The following LGALS4 variants were observed in gnomAD, a reference collection of about 807,000 sequenced individuals.
The protein encoded by LGALS4 is galectin-4.
LGALS4 carries 37 observed loss-of-function variants against 39.6 expected under a neutral mutation model. The ratio of observed to expected loss-of-function variants is 0.93; its 90% CI spans 0.72 to 1.23. The LOEUF is 1.23. LGALS4 is among the 50% of genes most tolerant of loss of function. LGALS4 has a pLI of 0.00. For synonymous variants in LGALS4, 160 were observed against 165.5 expected (o/e 0.97, Z 0.25); for missense variants, 397 against 433.2 (o/e 0.92, Z 0.74).
intron 4 of LGALS4, among the ~76,000 whole-genome samples, chr19:38,805,168 A>AT (rs143924104): frequency 0.26 from 26,404 of 103,402 alleles, 2,682 homozygotes; most frequent in East Asian, 0.45. Context: ...TGCCTCAAAA[A>AT]TAATAATAAT....
At chr19:38,806,283 G>T (rs570679864) in intron 4 of LGALS4, among the ~76,000 whole-genome samples, 178 bp downstream of exon 4, 1 of 151,768 alleles carries the variant, frequency 6.6e-6, no homozygotes, top group South Asian at 2.1e-4. Context: ...CAGGAGAATG[G>T]CGTGAACCTG....
intron 1 of LGALS4, 59 bp downstream of exon 1, chr19:38,812,783 T>G (rs1971510116): frequency 1.8e-5 from 29 of 1,576,506 alleles, no homozygotes; most frequent in Non-Finnish European, 2.4e-5. Context: ...TGGGGAAAAT[T>G]GGTGTGAGGG....
Position 38,802,309 on chromosome 19 carries a change from G to A in LGALS4, c.659+7C>T, listed in dbSNP as rs190785460. The A allele has an allele frequency of 1.2e-5, 20 of 1,613,420 alleles. No individual in the cohort carries two copies. The highest frequency in any genetic ancestry group is 6.7e-5 in the East Asian group (3 of 44,872). ...GGCTGGGGGTTCCCACCTAGTTTAC[G>A]TTATACCTCTTGCCTGTGGGAGGCA... On this transcript the variant is annotated splice_region_variant and intron_variant, in intron 8 of 9. Coordinates refer to ENST00000307751, the MANE Select transcript of LGALS4 (RefSeq NM_006149.4).
chr19:38,803,237 T>C, intron 7 of LGALS4: 1 of 515,076 alleles, frequency 1.9e-6, no homozygotes, highest in Non-Finnish European at 3.5e-6. Flanking sequence ...ATGGTCTCGA[T>C]CGATCTCCTG....
At position 38,806,585 on chromosome 19, in the gene LGALS4, T is replaced by C; in HGVS notation, c.350A>G (p.Asn117Ser). The C allele has an allele frequency of 6.2e-7, 1 of 1,613,682 alleles. No individual in the cohort carries two copies. The highest frequency in any genetic ancestry group is 8.5e-7 in the Non-Finnish European group (1 of 1,179,850). Residue 117 changes from asparagine (N) to serine (S), a missense_variant, in exon 4 of 10, where the codon AAT (asparagine) becomes AGT (serine). Physicochemically the swap from Asn to Ser is conservative, Grantham distance 46. Transcript: ENST00000307751. Reference sequence around the variant, plus strand: ...CCCGTACTCATAGAAGGGATTTCCATTTACCACCACCTGGAGGGCAGAGAT... The same window carrying C: ...CCCGTACTCATAGAAGGGATTTCCACTTACCACCACCTGGAGGGCAGAGAT... Reference protein sequence around the residue: ...VLAEHYKVVVNGNPFYEYGHR... With the variant: ...VLAEHYKVVVSGNPFYEYGHR...
chr19:38,810,820 C>T (rs546715116), intron 2 of LGALS4, among the ~76,000 whole-genome samples: 7 of 151,792 alleles, frequency 4.6e-5, no homozygotes, highest in African/African-American at 7.3e-5. Flanking sequence ...AACCTCTGTC[C>T]GCACATACAC....
chr19:38,803,070 T>C (rs1380833276), intron 7 of LGALS4: 1 of 144,998 alleles, frequency 6.9e-6, no homozygotes, highest in Non-Finnish European at 1.4e-5. Context: ...GTTGGAGTAC[T>C]GTGGCACGAT....
chr19:38,808,680 A>C, intron 3 of LGALS4, 64 bp downstream of exon 3: 1 of 1,290,488 alleles, frequency 7.7e-7, no homozygotes, highest in Non-Finnish European at 1.1e-6. Flanking sequence ...GCGGGAAGGA[A>C]GGAAGCAGCC....
At chr19:38,807,797 C>T (rs1411826574) in intron 3 of LGALS4, among the ~76,000 whole-genome samples, 1 of 152,178 alleles carries the variant, frequency 6.6e-6, no homozygotes, top group Non-Finnish European at 1.5e-5. Flanking sequence ...ATTCTTCTGC[C>T]TTGAGTTGCT....
intron 4 of LGALS4, among the ~76,000 whole-genome samples, chr19:38,804,598 C>T (rs1240379014): frequency 1.3e-5 from 2 of 152,192 alleles, no homozygotes; most frequent in Non-Finnish European, 2.9e-5. Context: ...CTCTTTTCTC[C>T]TCCTTGTAAT....
intron 3 of LGALS4, 38 bp downstream of exon 3, chr19:38,808,706 C>T: frequency 6.5e-7 from 1 of 1,536,824 alleles, no homozygotes; most frequent in Non-Finnish European, 9.0e-7. Flanking sequence ...GGCGCCACTG[C>T]ACTCCAGCTT....
chr19:38,802,361 C>T lies in LGALS4; in HGVS notation c.614G>A (p.Arg205Gln), dbSNP rs760235320. 16 of 1,614,078 alleles carry T rather than the reference C, an allele frequency of 9.9e-6. No homozygotes were observed. Among genetic ancestry groups the T allele is most frequent in the Non-Finnish European group, 1.3e-5 (15 of 1,180,040 alleles). Residue 205 changes from arginine (R) to glutamine (Q), a missense_variant, in exon 8 of 10, where the codon CGA (arginine) becomes CAA (glutamine). By Grantham distance (43) the Arg-to-Gln change is conservative. Coordinates refer to ENST00000307751, the MANE Select transcript of LGALS4 (RefSeq NM_006149.4). The part of the protein sequence containing the change: ...FGRLQGGLTA[R>Q]RTIIIKGYVP... ...ATAGCCCTTGATGATGATGGTTCTT[C>T]GAGCTGTGAGCCCTCCTTGCAGCCT... is the stretch of plus-strand genomic sequence containing the variant.
chr19:38,802,192 G>T (rs1971365231), intron 8 of LGALS4, 35 bp from the exon 9 acceptor site: 2 of 1,610,444 alleles, frequency 1.2e-6, no homozygotes, highest in Admixed American at 3.3e-5. Flanking sequence ...GTCAGATGGA[G>T]TCCAGTGGGA....
Position 38,812,934 on chromosome 19 carries a change from G to A in LGALS4, c.-48C>T. On this transcript the variant is annotated 5_prime_UTR_variant, in exon 1 of 10. Coordinates refer to ENST00000307751, the MANE Select transcript of LGALS4 (RefSeq NM_006149.4). Reference sequence around the variant, plus strand: ...TGGTCCTGTGAGAAGAGCTGCAGGAGTGGGAGATGGTGGCGGATGGCAGGC... The same window carrying A: ...TGGTCCTGTGAGAAGAGCTGCAGGAATGGGAGATGGTGGCGGATGGCAGGC... The A allele has an allele frequency of 6.4e-7, 1 of 1,569,606 alleles. No individual in the cohort carries two copies. The highest frequency in any genetic ancestry group is 2.2e-5 in the East Asian group (1 of 44,688).
At chr19:38,803,658 G>A (rs2145353212) in intron 6 of LGALS4, 84 bp downstream of exon 6, 1 of 1,593,552 alleles carries the variant, frequency 6.3e-7, no homozygotes, top group Middle Eastern at 1.7e-4. Context: ...GTACACCTTG[G>A]GCTGCAACCC....
intron 7 of LGALS4, 103 bp from the exon 8 acceptor site, chr19:38,802,507 T>C: frequency 1.2e-6 from 1 of 847,024 alleles, no homozygotes; most frequent in South Asian, 1.5e-5. Flanking sequence ...TCTTTTTTTC[T>C]TATAAGAGAT....
intron 4 of LGALS4, 147 bp from the exon 5 acceptor site, chr19:38,804,042 G>C: frequency 2.2e-6 from 2 of 899,844 alleles, no homozygotes; most frequent in Non-Finnish European, 3.5e-6. Flanking sequence ...CCCGATCACA[G>C]ATTCACGGAG....
At chr19:38,811,596 C>T (rs921993487) in intron 2 of LGALS4, among the ~76,000 whole-genome samples, 12 of 151,744 alleles carry the variant, frequency 7.9e-5, no homozygotes, top group South Asian at 2.1e-4. Flanking sequence ...AGTTGGAGGC[C>T]GAAGTGAGCT....
rs776160102 is a variant in LGALS4, at chr19:38,808,886, G to A, written c.197C>T (p.Pro66Leu). The A allele has an allele frequency of 1.1e-5, 17 of 1,614,144 alleles. No individual in the cohort carries two copies. The highest frequency in any genetic ancestry group is 4.5e-5 in the East Asian group (2 of 44,880). The change falls in exon 3 of 10, where the codon CCG becomes CTG. Residue 66 changes from proline to leucine, a missense_variant. Transcript: ENST00000307751. ...PGSDVAFHFNPRFDGWDKVVF... is the reference protein window; with the variant it reads ...PGSDVAFHFNLRFDGWDKVVF... The stretch of plus-strand genomic sequence containing the variant: ...CACCTTGTCCCAGCCGTCAAACCGC[G>A]GATTGAAGTGGAAGGCGACGTCTGA...
Sources: allele counts gnomAD v4.1 joint callset (sites outside exome capture counted in the v4.1 genomes callset), GRCh38; gene constraint gnomAD v4.1.1; transcripts MANE v1.5; gene names NCBI Gene and HGNC (gene_info 2026-07-23, HGNC 2026-07-21).